Variants in FBXO36 observed in about 807,000 individuals in gnomAD.
The protein encoded by FBXO36 is F-box protein 36.
A neutral mutation model predicts 17.0 loss-of-function variants in FBXO36; 18 were observed. The ratio of observed to expected loss-of-function variants is 1.06; its 90% CI spans 0.73 to 1.57. The LOEUF is 1.57. Among genes scored for constraint, FBXO36 ranks in the 40% most tolerant of loss-of-function variants. The pLI, the probability that FBXO36 is intolerant of heterozygous loss-of-function variation, is 0.00. For synonymous variants in FBXO36, 83 were observed against 85.3 expected, an observed-to-expected ratio of 0.97 and a Z score of 0.15; for missense variants, 229 against 221.9, an observed-to-expected ratio of 1.03 and a Z score of -0.20.
At chr2:229,991,329 T>A (rs1168391679) in intron 2 of FBXO36, among the ~76,000 whole-genome samples, 1 of 152,116 alleles carries the variant, frequency 6.6e-6, no homozygotes, top group African/African-American at 2.4e-5. Context: ...CCCCCTCAAA[T>A]TCATATGTCA....
intron 1 of FBXO36, among the ~76,000 whole-genome samples, chr2:229,926,221 T>C (rs1261848574): frequency 2.0e-5 from 3 of 150,810 alleles, no homozygotes; most frequent in South Asian, 2.1e-4. Flanking sequence ...CTTGAGGCCA[T>C]GAGCTCGAGA....
intron 2 of FBXO36, chr2:229,977,084 G>A (rs1217889393): frequency 2.6e-5 from 4 of 152,134 alleles, no homozygotes; most frequent in Non-Finnish European, 5.9e-5. Context: ...TTAGAGGTTA[G>A]TTGGCGGTTT....
chr2:230,004,575 G>A (rs1433191480), intron 3 of FBXO36, among the ~76,000 whole-genome samples: 1 of 152,138 alleles, frequency 6.6e-6, no homozygotes, highest in Non-Finnish European at 1.5e-5. Context: ...TTCTACACAT[G>A]TAGAACCATA....
intron 2 of FBXO36, among the ~76,000 whole-genome samples, chr2:229,987,222 A>G (rs1009521586): frequency 6.6e-6 from 1 of 152,052 alleles, no homozygotes; most frequent in African/African-American, 2.4e-5. Context: ...AAAAAAAAAA[A>G]AAAAAGAACG....
chr2:229,965,455 A>T (rs913127020), intron 1 of FBXO36, among the ~76,000 whole-genome samples: 1 of 151,306 alleles, frequency 6.6e-6, no homozygotes, highest in Non-Finnish European at 1.5e-5. Context: ...TACATGTGCC[A>T]TGTTGGTGTG....
intron 2 of FBXO36, among the ~76,000 whole-genome samples, chr2:229,995,460 C>T (rs2077319994): frequency 7.2e-6 from 1 of 138,224 alleles, no homozygotes; most frequent in Non-Finnish European, 1.5e-5. Context: ...GCCTGAGCAA[C>T]ATAGTGAGAC....
chr2:229,955,563 G>T (rs1264876917), intron 1 of FBXO36, among the ~76,000 whole-genome samples: 1 of 151,902 alleles, frequency 6.6e-6, no homozygotes, highest in Non-Finnish European at 1.5e-5. Flanking sequence ...TTTATGTATT[G>T]TCTACCTCCC....
chr2:229,939,267 A>G (rs2076984471), intron 1 of FBXO36: 1 of 985,208 alleles, frequency 1.0e-6, no homozygotes, highest in Non-Finnish European at 1.2e-6. Flanking sequence ...GGATTATATG[A>G]GGTAAGATAT....
rs1428783358 is a variant in FBXO36 at position 230,011,924 on chromosome 2, A to G, written c.*1040A>G. ...AAAAAGAATACAGTCCTGGGGAGAA[A>G]GGTCACTTCACTGAGAAGGCTTACT... On this transcript the variant is annotated 3_prime_UTR_variant, in exon 4 of 4. Coordinates refer to ENST00000283946, the MANE Select transcript of FBXO36 (RefSeq NM_174899.5). The G allele has an allele frequency of 6.6e-6, 1 of 152,146 alleles. No homozygotes were observed. Among genetic ancestry groups the G allele is most frequent in the Non-Finnish European group, 1.5e-5 (1 of 68,022 alleles). 9.4% of individuals were successfully genotyped at this position (152,146 alleles called of 1,614,324 possible).
chr2:229,931,509 C>T (rs2076938130), intron 1 of FBXO36, among the ~76,000 whole-genome samples: 1 of 152,172 alleles, frequency 6.6e-6, no homozygotes, highest in African/African-American at 2.4e-5. Context: ...AAGAAGGTTA[C>T]TAGTCTAAGA....
At chr2:229,992,910 G>A (rs75797967) in intron 2 of FBXO36, among the ~76,000 whole-genome samples, 1,854 of 152,156 alleles carry the variant, frequency 0.012, 48 homozygotes, top group African/African-American at 0.042. Context: ...GTTGGCAGGA[G>A]GTTTCAATTT....
chr2:229,955,043 G>A (rs1240705207), intron 1 of FBXO36, among the ~76,000 whole-genome samples: 2 of 151,744 alleles, frequency 1.3e-5, no homozygotes, highest in Non-Finnish European at 2.9e-5. Flanking sequence ...GTAGAGACGG[G>A]GTTTCACCCT....
intron 2 of FBXO36, among the ~76,000 whole-genome samples, chr2:229,993,406 A>C (rs931399089): frequency 6.6e-6 from 1 of 152,168 alleles, no homozygotes; most frequent in Non-Finnish European, 1.5e-5. Flanking sequence ...AGCAAAGCAG[A>C]AGCCTTTATG....
At chr2:229,932,103 C>T (rs2076941699) in intron 1 of FBXO36, among the ~76,000 whole-genome samples, 1 of 151,938 alleles carries the variant, frequency 6.6e-6, no homozygotes, top group South Asian at 2.1e-4. Flanking sequence ...GTGTTTTAGG[C>T]TGGGCGCAGT....
In FBXO36 at chr2:229,988,839, T is replaced by G. The variant is rs529030196; in HGVS notation, c.206-7912T>G. 1.9e-3 allele frequency among the ~76,000 whole-genome samples: 291 copies of G among 149,524 alleles called. 3 individuals carry two copies. The highest frequency in any genetic ancestry group is 3.9e-3 in the Admixed American group (59 of 15,022). On this transcript the variant is annotated intron_variant, in intron 2 of 3. Transcript: ENST00000283946. ...CACCATGCTGGCCTGTTTTTTTTTT[T>G]TTTTGTTTTTTTTTTTTTACCGCAT...
chr2:229,936,118 G>A (rs2076962481), intron 1 of FBXO36, among the ~76,000 whole-genome samples: 1 of 152,184 alleles, frequency 6.6e-6, no homozygotes, highest in Non-Finnish European at 1.5e-5. Context: ...GGGAGGCAGA[G>A]GTTGCAGTGA....
At chr2:229,963,981 G>A (rs1462428119) in intron 1 of FBXO36, among the ~76,000 whole-genome samples, 1 of 152,070 alleles carries the variant, frequency 6.6e-6, no homozygotes, top group Non-Finnish European at 1.5e-5. Context: ...ATTTCAGTAT[G>A]ATTTTAATAT....
intron 1 of FBXO36, among the ~76,000 whole-genome samples, chr2:229,957,480 G>A (rs2077094695): frequency 6.6e-6 from 1 of 152,180 alleles, no homozygotes; most frequent in African/African-American, 2.4e-5. Flanking sequence ...AGGAAGCTGA[G>A]GCAGGAGAAT....
chr2:229,961,699 A>C (rs1159128254), intron 1 of FBXO36, among the ~76,000 whole-genome samples: 1 of 152,100 alleles, frequency 6.6e-6, no homozygotes, highest in Non-Finnish European at 1.5e-5. Context: ...CATGAATTTA[A>C]AATAATTTTG....
Sources: gnomAD v4.1 joint callset for allele counts (sites outside exome capture counted in the v4.1 genomes callset) on GRCh38, gnomAD v4.1.1 for gene constraint, MANE v1.5 for transcripts, NCBI Gene and HGNC (gene_info 2026-07-23, HGNC 2026-07-21) for gene names.